Variants in DIP2A observed in about 807,000 individuals in gnomAD.
DIP2A encodes disco-interacting protein 2 homolog A.
In DIP2A, 85 loss-of-function variants were observed where a neutral mutation model predicts 177.4. That is an observed-to-expected ratio of 0.48 (90% CI 0.40 to 0.57). The LOEUF (loss-of-function observed/expected upper bound fraction) is 0.57. Ranked by LOEUF, DIP2A falls within the 20% of genes least tolerant of loss-of-function variation. The pLI, the probability that DIP2A is intolerant of heterozygous loss-of-function variation, is 0.00. For missense variants in DIP2A, 1,791 were observed against 2,100.2 expected (o/e 0.85, Z 2.88); for synonymous variants, 886 against 881.8 (o/e 1.00, Z -0.08).
At chr21:46,514,617 C>CTTTTTTTTTTTTTTTTTTTTTTTT (rs752628688) in intron 8 of DIP2A, among the ~76,000 whole-genome samples, 11 of 70,512 alleles carry the variant, frequency 1.6e-4, no homozygotes, top group Admixed American at 7.2e-4. Flanking sequence ...AACTTTTATT[C>CTTTTTTTTTTTTTTTTTTTTTTTT]TTTTTTTTTT....
At chr21:46,543,746 G>T (rs1203541728) in intron 18 of DIP2A, among the ~76,000 whole-genome samples, 1 of 152,146 alleles carries the variant, frequency 6.6e-6, no homozygotes, top group African/African-American at 2.4e-5. Flanking sequence ...TCGTGACCTT[G>T]CCCCATCTCT....
At chr21:46,509,998 T>G (rs892963260) in intron 7 of DIP2A, among the ~76,000 whole-genome samples, 2 of 152,168 alleles carry the variant, frequency 1.3e-5, no homozygotes, top group Admixed American at 6.5e-5. Flanking sequence ...CCCGTTGTAA[T>G]CAGATAGTGT....
chr21:46,473,338 C>A (rs1238278735), intron 1 of DIP2A, among the ~76,000 whole-genome samples: 1 of 151,592 alleles, frequency 6.6e-6, no homozygotes, highest in Non-Finnish European at 1.5e-5. Context: ...TGGTGCATGC[C>A]TGTAATCCCA....
intron 16 of DIP2A, 142 bp downstream of exon 16, chr21:46,538,744 C>G: frequency 8.0e-7 from 1 of 1,248,202 alleles, no homozygotes; most frequent in Non-Finnish European, 1.1e-6. Context: ...TTCTATGACA[C>G]GGAACATCTT....
rs1601254248 is a variant in DIP2A at position 46,458,892 on chromosome 21, T to C, written c.-240T>C. On this transcript the variant is annotated 5_prime_UTR_variant, in exon 1 of 38. Coordinates refer to ENST00000417564, the MANE Select transcript of DIP2A (RefSeq NM_015151.4). The stretch of plus-strand genomic sequence containing the variant: ...CCTTCCCGCCGCGCACGCGCTCCCG[T>C]GTAGGGCCGGCCGGGCGCTCAGGAG... 4.9e-6 allele frequency: 1 copy of C among 203,866 alleles called. No individual in the cohort carries two copies. The highest frequency in any genetic ancestry group is 9.7e-6 in the Non-Finnish European group (1 of 103,584). 12.6% of individuals were successfully genotyped at this position (203,866 alleles called of 1,614,324 possible).
intron 8 of DIP2A, among the ~76,000 whole-genome samples, chr21:46,525,952 G>A (rs112625965): frequency 7.2e-4 from 107 of 148,750 alleles, no homozygotes; most frequent in Admixed American, 2.1e-3. Context: ...CTTGTTGCCC[G>A]GGCTGGAGTG....
chr21:46,571,936 G>T (rs1456759396), downstream of DIP2A, among the ~76,000 whole-genome samples: 1 of 152,132 alleles, frequency 6.6e-6, no homozygotes, highest in East Asian at 1.9e-4. Flanking sequence ...CCAATACTAT[G>T]TTGAGTAGGA....
At chr21:46,488,015 C>T (rs1344842189) in intron 2 of DIP2A, among the ~76,000 whole-genome samples, 1 of 152,114 alleles carries the variant, frequency 6.6e-6, no homozygotes, top group Non-Finnish European at 1.5e-5. Context: ...TGAAAAAGAA[C>T]ACTGGTGATA....
downstream of DIP2A, among the ~76,000 whole-genome samples, chr21:46,574,088 G>T (rs1684733971): frequency 6.6e-6 from 1 of 152,092 alleles, no homozygotes; most frequent in Non-Finnish European, 1.5e-5. Context: ...CATTTTCCAG[G>T]ATAGACAACA....
intron 2 of DIP2A, among the ~76,000 whole-genome samples, chr21:46,490,253 G>A (rs764056907): frequency 1.2e-4 from 19 of 152,138 alleles, no homozygotes; most frequent in African/African-American, 2.4e-4. Flanking sequence ...ACTTGGAAAC[G>A]TAATTCAGAG....
chr21:46,551,838 T>G lies in DIP2A; in HGVS notation c.2964T>G (p.Ala988=). ...SDQARKFLFL[A]DVLQWRAHTT... ...CTCTCGTGCAGTTCCTGTTCCTGGC[T>G]GACGTGCTGCAGTGGCGTGCCCACA... Residue 988 remains alanine, a synonymous_variant, in exon 25 of 38, where the codon GCT becomes GCG. Coordinates refer to ENST00000417564, the MANE Select transcript of DIP2A (RefSeq NM_015151.4). The G allele has an allele frequency of 6.2e-7, 1 of 1,612,694 alleles. No homozygotes were observed. Among genetic ancestry groups the G allele is most frequent in the Non-Finnish European group, 8.5e-7 (1 of 1,179,334 alleles).
At chr21:46,485,863 G>C (rs1311064269) in intron 2 of DIP2A, among the ~76,000 whole-genome samples, 1 of 151,830 alleles carries the variant, frequency 6.6e-6, no homozygotes, top group East Asian at 1.9e-4. Context: ...ATGAGGTCAG[G>C]AGTTCAAGAC....
chr21:46,468,101 TAAATA>T (rs2055003536), intron 1 of DIP2A, among the ~76,000 whole-genome samples: 1 of 151,212 alleles, frequency 6.6e-6, no homozygotes, highest in Non-Finnish European at 1.5e-5. Context: ...CCGCCTCTAC[TAAATA>T]AAAAAAAAAA....
chr21:46,537,461 A>T lies in DIP2A; in HGVS notation c.1723A>T (p.Met575Leu), dbSNP rs1323587936. ...TCCCCCACAGAGCGTCATGAACAGGATGCACGTGGTCAGCGTCCCCTACGC... is the reference window on the plus strand; with the variant it reads ...TCCCCCACAGAGCGTCATGAACAGGTTGCACGTGGTCAGCGTCCCCTACGC... ...HGVLTSVMNRMHVVSVPYALM... is the reference protein window; with the variant it reads ...HGVLTSVMNRLHVVSVPYALM... The change falls in exon 15 of 38, where the codon ATG becomes TTG. Residue 575 changes from methionine (M) to leucine (L), a missense_variant. Met to Leu is a conservative substitution (Grantham distance 15). Transcript: ENST00000417564. This position sits in a 1 kb window ranked among gnomAD's most constrained non-coding sequence, Gnocchi z 4.1. 1 of 1,614,180 alleles carries T rather than the reference A, an allele frequency of 6.2e-7. No homozygotes were observed. The highest frequency in any genetic ancestry group is 8.5e-7 in the Non-Finnish European group (1 of 1,180,028).
chr21:46,561,464 G>C, intron 33 of DIP2A: 1 of 477,612 alleles, frequency 2.1e-6, no homozygotes, highest in South Asian at 2.0e-5. Context: ...AGCTTACTGG[G>C]TGCCAGGGGC....
In DIP2A at chr21:46,511,550, G is replaced by T; in HGVS notation, c.1038G>T (p.Gln346His). ...CCTTGCAGCGCTGGGGCACAACACAGCCCAAATCCCCCTGTCTGACTGCCT... is the reference window on the plus strand; with the variant it reads ...CCTTGCAGCGCTGGGGCACAACACATCCCAAATCCCCCTGTCTGACTGCCT... Reference protein sequence around the residue: ...LATLQRWGTTQPKSPCLTALD... With the variant: ...LATLQRWGTTHPKSPCLTALD... The change falls in exon 8 of 38, where the codon CAG becomes CAT. Residue 346 changes from glutamine to histidine, a missense_variant. Coordinates refer to ENST00000417564, the MANE Select transcript of DIP2A (RefSeq NM_015151.4). 6.3e-7 allele frequency: 1 copy of T among 1,599,884 alleles called. No homozygotes were observed.
chr21:46,573,138 TAAAA>T (rs111679229), downstream of DIP2A, among the ~76,000 whole-genome samples: 18,265 of 150,324 alleles, frequency 0.12, 1,452 homozygotes, highest in African/African-American at 0.22. Context: ...AATGTTTCAT[TAAAA>T]AAAAACACAG....
chr21:46,464,261 C>T lies in DIP2A; in HGVS notation c.91+5039C>T, dbSNP rs535664207. ...ACAAAAAATTAGCCGGGCGTGGTGG[C>T]GTATGCCTGTAATCCCAGCTACTTG... On this transcript the variant is annotated intron_variant, in intron 1 of 37. Transcript: ENST00000417564. Among the ~76,000 whole-genome samples the T allele has an allele frequency of 3.6e-4, 54 of 151,868 alleles. No individual in the cohort carries two copies. The East Asian group carries it at 0.01, about 28-fold the overall frequency.
Position 46,556,041 on chromosome 21 carries a change from G to C in DIP2A, c.3448G>C (p.Ala1150Pro). The stretch of plus-strand genomic sequence containing the variant: ...CAGGCCCCCCTCCCCCGATGTCCTC[G>C]CATACTTGGACTTCAGCGTGTCAAC... Reference protein sequence around the residue: ...VFRPPSPDVLAYLDFSVSTTG... With the variant: ...VFRPPSPDVLPYLDFSVSTTG... The change falls in exon 29 of 38, where the codon GCA (alanine) becomes CCA (proline). Residue 1150 changes from alanine (A) to proline (P), a missense_variant. Coordinates refer to ENST00000417564, the MANE Select transcript of DIP2A (RefSeq NM_015151.4). The surrounding 1 kb of genome is among the most constrained non-coding windows in gnomAD (Gnocchi z 4.5). 6.2e-7 allele frequency: 1 copy of C among 1,613,884 alleles called. No homozygotes were observed. The highest frequency in any genetic ancestry group is 8.5e-7 in the Non-Finnish European group (1 of 1,179,862).
Sources: allele counts gnomAD v4.1 joint callset (sites outside exome capture counted in the v4.1 genomes callset), GRCh38; gene constraint gnomAD v4.1.1; non-coding constraint Gnocchi (gnomAD v3.1); transcripts MANE v1.5; gene names NCBI Gene and HGNC (gene_info 2026-07-23, HGNC 2026-07-21).